SLC35F3: variants seen among roughly 807,000 people sequenced by gnomAD.
SLC35F3 encodes the protein putative thiamine transporter SLC35F3.
In SLC35F3, 25 loss-of-function variants were observed where a neutral mutation model predicts 49.9. The observed-to-expected ratio is 0.50, with a 90% CI of 0.37 to 0.70. SLC35F3 has a LOEUF of 0.70. Ranked by LOEUF, SLC35F3 falls within the 30% of genes least tolerant of loss-of-function variation. SLC35F3 has a pLI of 0.00. For synonymous variants in SLC35F3, 275 were observed against 265.4 expected, an observed-to-expected ratio of 1.04 and a Z score of -0.35; for missense variants, 525 against 639.8, an observed-to-expected ratio of 0.82 and a Z score of 1.94.
At chr1:234,299,365 C>T (rs1668656107) in intron 3 of SLC35F3, among the ~76,000 whole-genome samples, 1 of 152,068 alleles carries the variant, frequency 6.6e-6, no homozygotes, top group Admixed American at 6.6e-5. Flanking sequence ...GTTCTATGAC[C>T]TAAGAGTAAA....
At chr1:234,097,303 C>T (rs986663353) in intron 2 of SLC35F3, among the ~76,000 whole-genome samples, 15 of 152,162 alleles carry the variant, frequency 9.9e-5, no homozygotes, top group African/African-American at 3.6e-4. Context: ...ACAATTCATC[C>T]ATGTAACCAA....
At chr1:234,116,718 T>C (rs1572058030) in intron 2 of SLC35F3, among the ~76,000 whole-genome samples, 2 of 152,252 alleles carry the variant, frequency 1.3e-5, no homozygotes, top group Middle Eastern at 6.8e-3. Context: ...TTTACCATAT[T>C]GGCCAGGCTG....
chr1:233,991,794 T>TTCA (rs1218932750), intron 2 of SLC35F3, among the ~76,000 whole-genome samples: 1 of 152,154 alleles, frequency 6.6e-6, no homozygotes, highest in East Asian at 1.9e-4. Context: ...CCAGCTACTT[T>TTCA]TCATCATCAT....
At chr1:234,148,408 C>T (rs1380845088) in intron 2 of SLC35F3, among the ~76,000 whole-genome samples, 3 of 152,144 alleles carry the variant, frequency 2.0e-5, no homozygotes. Flanking sequence ...TCTATGCTAG[C>T]TCACTAGCTT....
chr1:234,207,272 C>T (rs2102937825), intron 2 of SLC35F3, among the ~76,000 whole-genome samples: 1 of 151,680 alleles, frequency 6.6e-6, no homozygotes, highest in Admixed American at 6.6e-5. Flanking sequence ...CTTCATCACT[C>T]CTGGTGCCAT....
chr1:234,290,314 GA>G (rs958648783), intron 3 of SLC35F3, among the ~76,000 whole-genome samples: 5 of 152,004 alleles, frequency 3.3e-5, no homozygotes, highest in South Asian at 2.1e-4. Flanking sequence ...ATAATCACAA[GA>G]AAAAAATTCT....
At chr1:234,300,293 T>G (rs184715805) in intron 3 of SLC35F3, among the ~76,000 whole-genome samples, 28 of 152,278 alleles carry the variant, frequency 1.8e-4, no homozygotes, top group Non-Finnish European at 2.9e-4. Context: ...ACTGCACCAT[T>G]CTCTACAAAA....
intron 2 of SLC35F3, among the ~76,000 whole-genome samples, chr1:234,036,909 ATAAG>A (rs1558211577): frequency 6.6e-6 from 1 of 152,210 alleles, no homozygotes; most frequent in African/African-American, 2.4e-5. Context: ...GTCATTTATT[ATAAG>A]TAAGTAGTTT....
intron 2 of SLC35F3, among the ~76,000 whole-genome samples, chr1:234,010,243 G>C (rs1307790692): frequency 6.6e-6 from 1 of 152,198 alleles, no homozygotes; most frequent in Non-Finnish European, 1.5e-5. Flanking sequence ...TAAAAGTAGA[G>C]AGTTGTTGTA....
At chr1:234,029,541 G>A (rs1664027014) in intron 2 of SLC35F3, among the ~76,000 whole-genome samples, 1 of 152,088 alleles carries the variant, frequency 6.6e-6, no homozygotes. Context: ...AGCTAGATGT[G>A]GTTTGGGGAG....
At chr1:234,198,969 G>A (rs577381001) in intron 2 of SLC35F3, among the ~76,000 whole-genome samples, 14 of 151,574 alleles carry the variant, frequency 9.2e-5, no homozygotes, top group East Asian at 7.8e-4. Context: ...CTATAATCCC[G>A]GAACATTGGG....
At chr1:233,937,301 A>AAT (rs1332278454) in intron 2 of SLC35F3, among the ~76,000 whole-genome samples, 1 of 152,264 alleles carries the variant, frequency 6.6e-6, no homozygotes, top group East Asian at 1.9e-4. Context: ...AAAGATCAGG[A>AAT]TACAAAAAGT....
chr1:234,309,432 T>C (rs939028241), intron 4 of SLC35F3, 112 bp downstream of exon 4: 11 of 890,380 alleles, frequency 1.2e-5, no homozygotes, highest in Non-Finnish European at 1.9e-5. Flanking sequence ...TGCTGACCAC[T>C]TTCCTTCTGA....
intron 2 of SLC35F3, among the ~76,000 whole-genome samples, chr1:234,216,541 G>C (rs1042325513): frequency 6.6e-6 from 1 of 152,136 alleles, no homozygotes; most frequent in African/African-American, 2.4e-5. Flanking sequence ...AGTCCCTTAG[G>C]GCTGCTGCCA....
intron 3 of SLC35F3, among the ~76,000 whole-genome samples, chr1:234,264,740 A>G (rs561888): frequency 0.16 from 24,910 of 152,016 alleles, 2,151 homozygotes; most frequent in Non-Finnish European, 0.19. Context: ...TTTTGTAGAG[A>G]TGGGGTCTTT....
At chr1:234,280,527 A>C (rs1668306248) in intron 3 of SLC35F3, among the ~76,000 whole-genome samples, 1 of 152,220 alleles carries the variant, frequency 6.6e-6, no homozygotes, top group South Asian at 2.1e-4. Flanking sequence ...TGAGCTTGAC[A>C]GCCTTCAGAA....
At chr1:234,075,440 A>G (rs972802656) in intron 2 of SLC35F3, among the ~76,000 whole-genome samples, 1 of 152,224 alleles carries the variant, frequency 6.6e-6, no homozygotes, top group Non-Finnish European at 1.5e-5. Context: ...GCAAAGAAAC[A>G]TGTCTTTAGT....
chr1:234,046,509 C>T lies in SLC35F3; in HGVS notation c.283+140751C>T, dbSNP rs543235816. Among the ~76,000 whole-genome samples, 7 of 152,146 alleles carry T rather than the reference C, an allele frequency of 4.6e-5. No individual in the cohort carries two copies. The highest frequency in any genetic ancestry group is 3.4e-3 in the Middle Eastern group (1 of 294). ...CTTTATATAGTCTGGATAAATCCTTCGTCAATTATCTGTATTGCAAAATCT... is the reference window on the plus strand; with the variant it reads ...CTTTATATAGTCTGGATAAATCCTTTGTCAATTATCTGTATTGCAAAATCT... On this transcript the variant is annotated intron_variant, in intron 2 of 7. Coordinates refer to ENST00000366618, the MANE Select transcript of SLC35F3 (RefSeq NM_173508.4). The surrounding 1 kb of genome is among the most constrained non-coding windows in gnomAD (Gnocchi z 4.4).
chr1:233,908,971 T>G (rs1299360765), intron 2 of SLC35F3, among the ~76,000 whole-genome samples: 1 of 151,966 alleles, frequency 6.6e-6, no homozygotes, highest in Non-Finnish European at 1.5e-5. Context: ...TTCTCCTACC[T>G]CAGCTTCCTC....
Sources: gnomAD v4.1 joint callset for allele counts (sites outside exome capture counted in the v4.1 genomes callset) on GRCh38, gnomAD v4.1.1 for gene constraint, Gnocchi (gnomAD v3.1) non-coding constraint, MANE v1.5 for transcripts, NCBI Gene and HGNC (gene_info 2026-07-23, HGNC 2026-07-21) for gene names.